The following AKAP6 variants were observed in gnomAD, a reference collection of about 807,000 sequenced individuals.
The protein encoded by AKAP6 is A-kinase anchor protein 6.
Under a neutral mutation model 188.5 loss-of-function variants are expected in AKAP6, and 58 were observed. That is an observed-to-expected ratio of 0.31 (90% CI 0.25 to 0.38). The LOEUF is 0.38. Among genes scored for constraint, AKAP6 ranks in the 10% least tolerant of loss-of-function variants. The probability of loss-of-function intolerance (pLI) is 1.00; values close to 1 mark genes in which losing one functional copy is unlikely to be tolerated. For synonymous variants in AKAP6, 989 were observed against 998.6 expected, an observed-to-expected ratio of 0.99 and a Z score of 0.18; for missense variants, 2,710 against 2,740.0, an observed-to-expected ratio of 0.99 and a Z score of 0.24.
chr14:32,457,604 CAG>C (rs1301439579), intron 2 of AKAP6, among the ~76,000 whole-genome samples: 1 of 152,174 alleles, frequency 6.6e-6, no homozygotes, highest in African/African-American at 2.4e-5. Context: ...CAAAACCAAA[CAG>C]AATGATGACC....
At chr14:32,438,565 T>A (rs541502608) in intron 2 of AKAP6, 48 of 152,172 alleles carry the variant, frequency 3.2e-4, no homozygotes, top group African/African-American at 1.1e-3. Context: ...TTCTTGAGAG[T>A]GAATAAAAGC....
At chr14:32,614,133 G>A (rs769590827) in intron 7 of AKAP6, among the ~76,000 whole-genome samples, 3 of 152,054 alleles carry the variant, frequency 2.0e-5, no homozygotes, top group African/African-American at 4.8e-5. Flanking sequence ...CAAAGATATC[G>A]CTGAATAAAA....
chr14:32,464,332 G>A (rs530538512), intron 2 of AKAP6, among the ~76,000 whole-genome samples: 3 of 152,182 alleles, frequency 2.0e-5, no homozygotes, highest in South Asian at 2.1e-4. Flanking sequence ...GAACATTGAC[G>A]TGAAAATCCT....
intron 8 of AKAP6, among the ~76,000 whole-genome samples, chr14:32,680,891 T>C (rs2139647187): frequency 6.6e-6 from 1 of 152,360 alleles, no homozygotes; most frequent in Non-Finnish European, 1.5e-5. Context: ...AGATTTTCCC[T>C]GAACGTATGT....
At chr14:32,399,428 A>G (rs1488746173) in intron 1 of AKAP6, among the ~76,000 whole-genome samples, 1 of 152,214 alleles carries the variant, frequency 6.6e-6, no homozygotes, top group African/African-American at 2.4e-5. Context: ...CCATACTCTC[A>G]AAAATATGAT....
At chr14:32,404,563 A>G (rs1485528120) in intron 1 of AKAP6, among the ~76,000 whole-genome samples, 1 of 151,020 alleles carries the variant, frequency 6.6e-6, no homozygotes, top group Non-Finnish European at 1.5e-5. Context: ...ACTAATATCA[A>G]CTGCTCCATT....
intron 6 of AKAP6, 77 bp from the exon 7 acceptor site, chr14:32,600,552 C>T: frequency 7.2e-7 from 1 of 1,391,932 alleles, no homozygotes. Context: ...AAATAGCCAT[C>T]TAATTTACTA....
intron 1 of AKAP6, among the ~76,000 whole-genome samples, chr14:32,374,961 T>C (rs1319141562): frequency 6.6e-6 from 1 of 152,222 alleles, no homozygotes; most frequent in Admixed American, 6.5e-5. Flanking sequence ...GAAAATAAGA[T>C]AATCAATTTT....
intron 11 of AKAP6, among the ~76,000 whole-genome samples, chr14:32,748,622 T>C (rs904561124): frequency 5.9e-5 from 9 of 152,198 alleles, no homozygotes; most frequent in Non-Finnish European, 1.3e-4. Flanking sequence ...AATTGGATCA[T>C]TGACCTGCTT....
intron 4 of AKAP6, among the ~76,000 whole-genome samples, chr14:32,561,085 A>G (rs941993910): frequency 4.6e-5 from 7 of 152,346 alleles, no homozygotes; most frequent in African/African-American, 1.7e-4. Context: ...CCTCATTTTA[A>G]TTATGAAAAC....
intron 9 of AKAP6, among the ~76,000 whole-genome samples, chr14:32,715,770 AT>A (rs67983441): frequency 0.18 from 27,195 of 151,496 alleles, 2,742 homozygotes; most frequent in Non-Finnish European, 0.23. Flanking sequence ...AAAAGGAAAG[AT>A]TTTTTTTTAA....
At chr14:32,627,774 C>A (rs1887086982) in intron 7 of AKAP6, among the ~76,000 whole-genome samples, 1 of 152,090 alleles carries the variant, frequency 6.6e-6, no homozygotes, top group African/African-American at 2.4e-5. Context: ...ACACCACATG[C>A]AAAGCCCAGT....
intron 7 of AKAP6, among the ~76,000 whole-genome samples, chr14:32,629,784 G>A (rs12100790): frequency 6.7e-6 from 1 of 150,116 alleles, no homozygotes; most frequent in Admixed American, 6.6e-5. Context: ...ATAAGAATGA[G>A]AATACTCTGG....
At chr14:32,427,793 A>G (rs1890084324) in intron 1 of AKAP6, among the ~76,000 whole-genome samples, 1 of 152,226 alleles carries the variant, frequency 6.6e-6, no homozygotes, top group African/African-American at 2.4e-5. Flanking sequence ...GGTTATAAAA[A>G]TGTAAGAGAA....
intron 13 of AKAP6, among the ~76,000 whole-genome samples, chr14:32,826,661 A>T (rs1201728452): frequency 6.6e-6 from 1 of 152,088 alleles, no homozygotes; most frequent in Non-Finnish European, 1.5e-5. Context: ...CCCTTTTTTG[A>T]TCCTCTGGGA....
intron 2 of AKAP6, among the ~76,000 whole-genome samples, chr14:32,514,542 A>G (rs1881422515): frequency 6.6e-6 from 1 of 152,228 alleles, no homozygotes; most frequent in African/African-American, 2.4e-5. Flanking sequence ...CCAGTAGAAA[A>G]AGTACTAATG....
intron 2 of AKAP6, among the ~76,000 whole-genome samples, chr14:32,462,646 C>T (rs997121401): frequency 5.3e-5 from 8 of 152,200 alleles, no homozygotes; most frequent in Admixed American, 4.6e-4. Context: ...AGACCAATTA[C>T]ACTACGAAGA....
intron 1 of AKAP6, among the ~76,000 whole-genome samples, chr14:32,372,298 G>C (rs1247383676): frequency 6.6e-6 from 1 of 151,198 alleles, no homozygotes; most frequent in Non-Finnish European, 1.5e-5. Context: ...TTTTTTTGTG[G>C]CTTCTGTGAC....
chr14:32,663,238 C>T (rs1301694608), intron 7 of AKAP6, among the ~76,000 whole-genome samples: 2 of 151,996 alleles, frequency 1.3e-5, no homozygotes, highest in Non-Finnish European at 2.9e-5. Flanking sequence ...AAGAAGATAT[C>T]CCAGGCTCAC....
Sources: allele counts gnomAD v4.1 joint callset (sites outside exome capture counted in the v4.1 genomes callset), GRCh38; gene constraint gnomAD v4.1.1; transcripts MANE v1.5; gene names NCBI Gene and HGNC (gene_info 2026-07-23, HGNC 2026-07-21).